Variants in SYNJ2 observed in about 807,000 individuals in gnomAD.
The protein encoded by SYNJ2 is synaptojanin 2, also known as polyphosphatidylinositol phosphatase SYNJ2.
In SYNJ2, 116 loss-of-function variants were observed where a neutral mutation model predicts 141.3. The observed-to-expected ratio is 0.82, with a 90% CI of 0.71 to 0.96. The LOEUF (loss-of-function observed/expected upper bound fraction) is 0.96, where lower values mean the gene tolerates loss of function less well. SYNJ2 is among the 40% of genes least tolerant of loss of function. SYNJ2 has a pLI of 0.00. For synonymous variants in SYNJ2, 745 were observed against 777.7 expected (o/e 0.96, Z 0.70); for missense variants, 1,873 against 1,934.8 (o/e 0.97, Z 0.60).
At chr6:158,003,864 CCA>C (rs1364748383) in intron 1 of SYNJ2, among the ~76,000 whole-genome samples, 4 of 152,172 alleles carry the variant, frequency 2.6e-5, no homozygotes, top group Non-Finnish European at 5.9e-5. Context: ...GTGGGACAAA[CCA>C]CAGTTTCCTT....
At chr6:158,063,727 T>G (rs1781376177) in intron 8 of SYNJ2, 64 bp from the exon 9 acceptor site, 1 of 1,208,630 alleles carries the variant, frequency 8.3e-7, no homozygotes, top group African/African-American at 1.5e-5. Context: ...CATGGGCCTC[T>G]GTGCTATGGC....
At chr6:158,037,395 CTTTTTTTTTT>C (rs869141011) in intron 4 of SYNJ2, among the ~76,000 whole-genome samples, 3 of 109,090 alleles carry the variant, frequency 2.8e-5, no homozygotes, top group African/African-American at 1.2e-4. Context: ...TTGTCCTCAT[CTTTTTTTTTT>C]TTTTTTTTTT....
chr6:157,997,642 TG>T (rs1201084776), intron 1 of SYNJ2, among the ~76,000 whole-genome samples: 1 of 152,216 alleles, frequency 6.6e-6, no homozygotes, highest in Non-Finnish European at 1.5e-5. Context: ...TGTGGTTCTT[TG>T]TTACAGCAAC....
At chr6:158,013,337 C>T (rs1281705124) in intron 1 of SYNJ2, among the ~76,000 whole-genome samples, 1 of 152,064 alleles carries the variant, frequency 6.6e-6, no homozygotes, top group African/African-American at 2.4e-5. Flanking sequence ...GCTGAGATTG[C>T]ACCATTGTAC....
intron 25 of SYNJ2, among the ~76,000 whole-genome samples, chr6:158,092,318 T>C (rs752939479): frequency 1.3e-5 from 2 of 152,100 alleles, no homozygotes; most frequent in Non-Finnish European, 1.5e-5. Context: ...AGACCCCAGA[T>C]CACCACCCCT....
intron 4 of SYNJ2, among the ~76,000 whole-genome samples, chr6:158,036,947 T>C (rs1308379295): frequency 6.6e-6 from 1 of 152,196 alleles, no homozygotes; most frequent in African/African-American, 2.4e-5. Context: ...ATACTGGTTT[T>C]GGATTTCAAC....
At chr6:158,029,083 C>A in intron 3 of SYNJ2, 57 bp downstream of exon 3, 1 of 1,577,820 alleles carries the variant, frequency 6.3e-7, no homozygotes, top group Non-Finnish European at 8.6e-7. Context: ...AGAGGGTGGG[C>A]CCTGGTTGGC....
chr6:158,057,810 A>T (rs1388166430), intron 6 of SYNJ2, among the ~76,000 whole-genome samples: 2 of 152,232 alleles, frequency 1.3e-5, no homozygotes, highest in Non-Finnish European at 2.9e-5. Flanking sequence ...TGTCAGAGCC[A>T]GGCCTGGGAT....
chr6:158,010,223 T>G (rs1208988477), intron 1 of SYNJ2, among the ~76,000 whole-genome samples: 3 of 152,268 alleles, frequency 2.0e-5, no homozygotes, highest in Non-Finnish European at 4.4e-5. Context: ...CCTGGCTAGC[T>G]TCATTTGCTA....
chr6:158,046,087 C>A (rs901280433), intron 5 of SYNJ2, among the ~76,000 whole-genome samples: 22 of 152,186 alleles, frequency 1.4e-4, no homozygotes, highest in African/African-American at 5.1e-4. Flanking sequence ...GGGTTACAGG[C>A]ACCCACCACC....
In SYNJ2 at chr6:158,027,293, T is replaced by C; in HGVS notation, c.215-1463T>C. On this transcript the variant is annotated intron_variant, in intron 2 of 26. Transcript: ENST00000355585. The surrounding 1 kb of genome is among the most constrained non-coding windows in gnomAD (Gnocchi z 4.6). Reference sequence around the variant, plus strand: ...GCGGCCCTTGATCATTCACAGAAGATCTCGCTGGGCGGATCCTTCAGACCT... The same window carrying C: ...GCGGCCCTTGATCATTCACAGAAGACCTCGCTGGGCGGATCCTTCAGACCT... The C allele has an allele frequency of 1.3e-6, 1 of 799,098 alleles. No individual in the cohort carries two copies. The highest frequency in any genetic ancestry group is 1.5e-6 in the Non-Finnish European group (1 of 660,202). 49.5% of individuals were successfully genotyped at this position (799,098 alleles called of 1,614,324 possible).
At position 158,028,787 on chromosome 6, in the gene SYNJ2, G is replaced by A. The variant is rs1779198713; in HGVS notation, c.246G>A (p.Val82=). 1.2e-6 allele frequency: 2 copies of A among 1,614,020 alleles called. No homozygotes were observed. The highest frequency in any genetic ancestry group is 1.1e-5 in the South Asian group (1 of 91,076). Residue 82 remains valine, a synonymous_variant, in exon 3 of 27, where the codon GTG becomes GTA. Transcript: ENST00000355585. ...CGTCTCTGAGCTTCCTGGTGTTGGTGACAGGCTGCACATCTGTGGGCAGAA... is the reference window on the plus strand; with the variant it reads ...CGTCTCTGAGCTTCCTGGTGTTGGTAACAGGCTGCACATCTGTGGGCAGAA... The part of the protein sequence containing the change: ...GGTSLSFLVL[V]TGCTSVGRIP...
At chr6:158,077,667 A>C (rs1189027249) in intron 17 of SYNJ2, 2 of 83,938 alleles carry the variant, frequency 2.4e-5, no homozygotes, top group African/African-American at 5.1e-5. Context: ...AAAAAAAAAA[A>C]AAAAAAAAAA....
chr6:158,081,973 T>C (rs1782718816), intron 20 of SYNJ2, among the ~76,000 whole-genome samples: 5 of 152,140 alleles, frequency 3.3e-5, no homozygotes, highest in Non-Finnish European at 7.4e-5. Flanking sequence ...TCTTTATGTA[T>C]AGACGCCATA....
upstream of SYNJ2, chr6:157,981,797 G>T: frequency 1.8e-6 from 1 of 551,524 alleles, no homozygotes; most frequent in Non-Finnish European, 2.7e-6. This position sits in a 1 kb window ranked among gnomAD's most constrained non-coding sequence, Gnocchi z 6.4. Flanking sequence ...AGGCGCGAGT[G>T]GGGAGGAGGA....
intron 4 of SYNJ2, among the ~76,000 whole-genome samples, chr6:158,033,901 G>A (rs761404026): frequency 2.6e-5 from 4 of 152,246 alleles, no homozygotes; most frequent in South Asian, 4.1e-4. Context: ...ATCTCATGCA[G>A]GGAAAATGCT....
In SYNJ2 at chr6:158,064,681, G is replaced by A. The variant is rs1223717362; in HGVS notation, c.1290G>A (p.Met430Ile). The A allele has an allele frequency of 1.2e-6, 2 of 1,613,978 alleles. No homozygotes were observed. The highest frequency in any genetic ancestry group is 1.7e-6 in the Non-Finnish European group (2 of 1,180,038). ...GCTTTGTGGAGTCCTTCAAAGCCAT[G>A]TGGTCTCTGAATGGCCACAGCCTGA... ...VDRFVESFKA[M>I]WSLNGHSLSK... Residue 430 changes from methionine to isoleucine, a missense_variant, in exon 10 of 27, where the codon ATG (methionine) becomes ATA (isoleucine). Coordinates refer to ENST00000355585, the MANE Select transcript of SYNJ2 (RefSeq NM_003898.4).
intron 4 of SYNJ2, among the ~76,000 whole-genome samples, chr6:158,039,262 A>G (rs1473026910): frequency 6.6e-6 from 1 of 152,276 alleles, no homozygotes; most frequent in Non-Finnish European, 1.5e-5. Flanking sequence ...TGGAATGCAC[A>G]GTTAGTATGC....
At chr6:158,009,126 G>A (rs1160298070) in intron 1 of SYNJ2, among the ~76,000 whole-genome samples, 1 of 152,196 alleles carries the variant, frequency 6.6e-6, no homozygotes, top group Non-Finnish European at 1.5e-5. Context: ...CCCTTGCAAT[G>A]AGGCCTTCTC....
Sources: gnomAD v4.1 joint callset for allele counts (sites outside exome capture counted in the v4.1 genomes callset) on GRCh38, gnomAD v4.1.1 for gene constraint, Gnocchi (gnomAD v3.1) non-coding constraint, MANE v1.5 for transcripts, NCBI Gene and HGNC (gene_info 2026-07-23, HGNC 2026-07-21) for gene names.